The following TSGA10 variants were observed in gnomAD, a reference collection of about 807,000 sequenced individuals.
TSGA10 encodes testis-specific gene 10 protein.
Under a neutral mutation model 96.6 loss-of-function variants are expected in TSGA10, and 43 were observed. The ratio of observed to expected loss-of-function variants is 0.44; its 90% CI spans 0.35 to 0.57. The LOEUF (loss-of-function observed/expected upper bound fraction) is 0.57. TSGA10 is among the 20% of genes least tolerant of loss of function. The pLI is 0.01. For missense variants in TSGA10, 703 were observed against 834.4 expected (o/e 0.84, Z 1.94); for synonymous variants, 229 against 269.9 (o/e 0.85, Z 1.48).
In TSGA10 at chr2:99,071,758, T is replaced by C. The variant is rs1335186556; in HGVS notation, c.1055A>G (p.His352Arg). 1.9e-6 allele frequency: 3 copies of C among 1,614,054 alleles called. No homozygotes were observed. Among genetic ancestry groups the C allele is most frequent in the Non-Finnish European group, 1.7e-6 (2 of 1,179,914 alleles). Residue 352 changes from histidine to arginine, a missense_variant, in exon 14 of 21, where the codon CAT (histidine) becomes CGT (arginine). Physicochemically the swap from His to Arg is conservative, Grantham distance 29 (BLOSUM62 0). Transcript: ENST00000393483. ...QIARERDILAHDNDNLQEQFA... is the reference protein window; with the variant it reads ...QIARERDILARDNDNLQEQFA... Reference sequence around the variant, plus strand: ...CTGTTCCTGGAGATTGTCATTGTCATGAGCCAAGATATCTCTTTCCCTGGC... The same window carrying C: ...CTGTTCCTGGAGATTGTCATTGTCACGAGCCAAGATATCTCTTTCCCTGGC...
intron 1 of TSGA10, among the ~76,000 whole-genome samples, chr2:99,142,754 T>G (rs1355984563): frequency 6.6e-6 from 1 of 152,202 alleles, no homozygotes; most frequent in Non-Finnish European, 1.5e-5. Context: ...CCTCTTCAGA[T>G]ACTAAGATTA....
intron 16 of TSGA10, among the ~76,000 whole-genome samples, chr2:99,056,926 A>G (rs1339606926): frequency 6.6e-6 from 1 of 151,424 alleles, no homozygotes; most frequent in Non-Finnish European, 1.5e-5. Context: ...TTAGCATATG[A>G]AAGTCAATTA....
chr2:99,146,142 G>A (rs905383983), intron 1 of TSGA10, among the ~76,000 whole-genome samples: 1 of 152,186 alleles, frequency 6.6e-6, no homozygotes, highest in Non-Finnish European at 1.5e-5. Context: ...AATTAGCCGG[G>A]CATGGTGGCA....
intron 16 of TSGA10, 90 bp from the exon 17 acceptor site, chr2:99,035,529 T>C: frequency 1.2e-6 from 1 of 805,170 alleles, no homozygotes; most frequent in African/African-American, 1.7e-5. Context: ...GGGGCAAATC[T>C]AAGAGTAGTG....
At chr2:99,149,785 C>CTT (rs70940143) in intron 1 of TSGA10, among the ~76,000 whole-genome samples, 44 of 112,398 alleles carry the variant, frequency 3.9e-4, no homozygotes, top group African/African-American at 1.4e-3. Context: ...TCACAAGTAT[C>CTT]TTTTTTTTTT....
chr2:99,110,696 G>T (rs550917816), intron 5 of TSGA10, among the ~76,000 whole-genome samples, 154 bp downstream of exon 5: 4 of 152,242 alleles, frequency 2.6e-5, no homozygotes, highest in South Asian at 2.1e-4. Flanking sequence ...ACAGATGGGG[G>T]TTCCCCTGTG....
intron 16 of TSGA10, among the ~76,000 whole-genome samples, chr2:99,059,022 T>G (rs2084320720): frequency 1.4e-5 from 2 of 142,858 alleles, no homozygotes; most frequent in South Asian, 4.3e-4. Flanking sequence ...GGCAACAGAG[T>G]GAGACTCTGT....
intron 1 of TSGA10, among the ~76,000 whole-genome samples, chr2:99,129,058 T>C (rs2092954316): frequency 6.6e-6 from 1 of 152,212 alleles, no homozygotes. Context: ...TCTTAATACA[T>C]ATATTCAAAA....
At position 99,020,502 on chromosome 2, in the gene TSGA10, T is replaced by C. The variant is rs771815181; in HGVS notation, c.1615-20A>G. On this transcript the variant is annotated intron_variant, in intron 17 of 20. Coordinates refer to ENST00000393483, the MANE Select transcript of TSGA10 (RefSeq NM_025244.4). Reference sequence around the variant, plus strand: ...CTCCCTCTGTTCAATAACAAGAAGATATCTACACTTATTCCCATTAATTCA... The same window carrying C: ...CTCCCTCTGTTCAATAACAAGAAGACATCTACACTTATTCCCATTAATTCA... 5 of 1,526,298 alleles carry C rather than the reference T, an allele frequency of 3.3e-6. No individual in the cohort carries two copies. Among genetic ancestry groups the C allele is most frequent in the East Asian group, 2.3e-5 (1 of 44,056 alleles). The allele number at this position is 1,526,298 out of a possible 1,614,324, so 94.5% of individuals were successfully genotyped here.
At chr2:99,131,771 C>T (rs2105030970) in intron 1 of TSGA10, among the ~76,000 whole-genome samples, 1 of 152,174 alleles carries the variant, frequency 6.6e-6, no homozygotes, top group Middle Eastern at 3.4e-3. Flanking sequence ...ATAAATAGCT[C>T]TTATTATTTT....
intron 16 of TSGA10, among the ~76,000 whole-genome samples, chr2:99,060,147 GT>G: frequency 6.6e-6 from 1 of 152,154 alleles, no homozygotes; most frequent in East Asian, 1.9e-4. Flanking sequence ...AATTGCATAC[GT>G]AGAAAATCCT....
intron 20 of TSGA10, among the ~76,000 whole-genome samples, chr2:99,014,490 G>A (rs942941748): frequency 6.6e-6 from 1 of 152,150 alleles, no homozygotes; most frequent in African/African-American, 2.4e-5. Flanking sequence ...TACACCAAAA[G>A]TAGTACTAAG....
intron 20 of TSGA10, among the ~76,000 whole-genome samples, chr2:99,002,048 T>A (rs546786553): frequency 4.6e-5 from 7 of 152,314 alleles, no homozygotes; most frequent in Non-Finnish European, 7.4e-5. Flanking sequence ...TGGAACCAAG[T>A]TGGAAAACAC....
intron 16 of TSGA10, among the ~76,000 whole-genome samples, chr2:99,044,416 A>G (rs2082530486): frequency 6.6e-6 from 1 of 152,178 alleles, no homozygotes; most frequent in South Asian, 2.1e-4. Context: ...TTAAACCAAC[A>G]AAGATCAAAA....
intron 1 of TSGA10, among the ~76,000 whole-genome samples, chr2:99,150,006 T>C (rs1468653799): frequency 6.6e-6 from 1 of 151,984 alleles, no homozygotes; most frequent in African/African-American, 2.4e-5. Context: ...TTGGCCAGGC[T>C]GGTCTCTCAA....
chr2:99,061,220 T>C (rs2084652725), intron 16 of TSGA10, among the ~76,000 whole-genome samples: 1 of 152,178 alleles, frequency 6.6e-6, no homozygotes, highest in Non-Finnish European at 1.5e-5. Context: ...AGATGGGCAA[T>C]AGATTTGAAC....
intron 13 of TSGA10, among the ~76,000 whole-genome samples, chr2:99,072,565 C>T (rs1160657894): frequency 1.3e-5 from 2 of 152,178 alleles, no homozygotes; most frequent in African/African-American, 4.8e-5. Context: ...CTCCTAAACC[C>T]CAATTTATCA....
At chr2:98,998,566 A>G (rs936431463) in intron 20 of TSGA10, among the ~76,000 whole-genome samples, 2 of 152,188 alleles carry the variant, frequency 1.3e-5, no homozygotes, top group Non-Finnish European at 2.9e-5. Context: ...TTCCCAGGAG[A>G]CAGGGAGATG....
chr2:99,143,133 CTTTTTTTTTT>C (rs10605521), intron 1 of TSGA10, among the ~76,000 whole-genome samples: 1 of 82,154 alleles, frequency 1.2e-5, no homozygotes, highest in Non-Finnish European at 2.3e-5. Context: ...CCAACTAAAC[CTTTTTTTTTT>C]TTTTTTTTTT....
Sources: gnomAD v4.1 joint callset for allele counts (sites outside exome capture counted in the v4.1 genomes callset) on GRCh38, gnomAD v4.1.1 for gene constraint, MANE v1.5 for transcripts, NCBI Gene and HGNC (gene_info 2026-07-23, HGNC 2026-07-21) for gene names.